Variants in COL4A1 observed in about 807,000 individuals in gnomAD.
The protein encoded by COL4A1 is collagen alpha-1(IV) chain.
In COL4A1, 40 loss-of-function variants were observed where a neutral mutation model predicts 216.6. The observed-to-expected ratio is 0.18, with a 90% CI of 0.14 to 0.24. The LOEUF is 0.24. COL4A1 is among the 10% of genes least tolerant of loss of function. The pLI is 1.00. For synonymous variants in COL4A1, 839 were observed against 810.7 expected (o/e 1.03, Z -0.59); for missense variants, 1,628 against 2,196.8 (o/e 0.74, Z 5.18).
chr13:110,234,787 G>A (rs962335799), intron 2 of COL4A1, among the ~76,000 whole-genome samples: 6 of 152,146 alleles, frequency 3.9e-5, no homozygotes, highest in Non-Finnish European at 7.4e-5. Context: ...TTTCCATCCC[G>A]GAGGAAACAT....
At position 110,186,522 on chromosome 13, in the gene COL4A1, G is replaced by T. The variant is rs764201237; in HGVS notation, c.1760C>A (p.Pro587His). The T allele has an allele frequency of 6.2e-7, 1 of 1,614,024 alleles. No individual in the cohort carries two copies. Among genetic ancestry groups the T allele is most frequent in the South Asian group, 1.1e-5 (1 of 91,076 alleles). Residue 587 changes from proline to histidine, a missense_variant, in exon 26 of 52, where the codon CCC becomes CAC. Transcript: ENST00000375820. ...GSVGLKGERGPPGGVGFPGSR... is the reference protein window; with the variant it reads ...GSVGLKGERGHPGGVGFPGSR... ...GCCTGGGAATCCAACTCCTCCAGGG[G>T]GGCCACGCTCTCCTTTCAATCCTAC...
chr13:110,249,431 G>A (rs1269283532), intron 1 of COL4A1, among the ~76,000 whole-genome samples: 1 of 152,096 alleles, frequency 6.6e-6, no homozygotes. Flanking sequence ...GAAACGATGG[G>A]GTATATTCAC....
At chr13:110,165,892 T>C (rs1303313833) in intron 45 of COL4A1, among the ~76,000 whole-genome samples, 8 of 152,102 alleles carry the variant, frequency 5.3e-5, no homozygotes, top group Non-Finnish European at 2.9e-5. Context: ...GCAAGATTGA[T>C]TTTCTTTCCT....
rs58108667 is a variant in COL4A1, at chr13:110,268,759, T to C, written c.85-26025A>G. Among the ~76,000 whole-genome samples the C allele has an allele frequency of 0.18, 27,990 of 152,064 alleles. 2,945 individuals carry two copies. The highest frequency in any genetic ancestry group is 0.3 in the African/African-American group (12,544 of 41,430). On this transcript the variant is annotated intron_variant, in intron 1 of 51. Coordinates refer to ENST00000375820, the MANE Select transcript of COL4A1 (RefSeq NM_001845.6). The surrounding 1 kb of genome is among the most constrained non-coding windows in gnomAD (Gnocchi z 4.1). ...ACTGGGACAAGGAAATCAGCTGACTTCCAGGACCACACGCCTGGCACGTGG... is the reference window on the plus strand; with the variant it reads ...ACTGGGACAAGGAAATCAGCTGACTCCCAGGACCACACGCCTGGCACGTGG...
At chr13:110,179,488 G>C in intron 29 of COL4A1, 67 bp from the exon 30 acceptor site, 1 of 1,608,784 alleles carries the variant, frequency 6.2e-7, no homozygotes, top group Non-Finnish European at 8.5e-7. Flanking sequence ...CAAACCAATA[G>C]CGTAAGTGAA....
chr13:110,172,002 G>C (rs566384197), intron 41 of COL4A1, among the ~76,000 whole-genome samples: 4 of 152,242 alleles, frequency 2.6e-5, no homozygotes, highest in African/African-American at 4.8e-5. Context: ...GGAGAACCAG[G>C]GGGTGGGAGA....
At chr13:110,232,378 G>T (rs971018550) in intron 2 of COL4A1, among the ~76,000 whole-genome samples, 2 of 152,156 alleles carry the variant, frequency 1.3e-5, no homozygotes, top group Non-Finnish European at 2.9e-5. Flanking sequence ...CCATTTTTGA[G>T]CGTGCAGTTC....
intron 1 of COL4A1, among the ~76,000 whole-genome samples, chr13:110,295,366 T>A (rs965182270): frequency 6.6e-5 from 10 of 151,734 alleles, no homozygotes; most frequent in Admixed American, 2.6e-4. Flanking sequence ...CAATTAAAGC[T>A]TTTGAATGTC....
intron 1 of COL4A1, among the ~76,000 whole-genome samples, chr13:110,293,090 T>C (rs774007531): frequency 6.6e-5 from 10 of 152,208 alleles, no homozygotes; most frequent in Non-Finnish European, 1.5e-4. Context: ...TGATAAATGC[T>C]GGATTCCATT....
intron 20 of COL4A1, among the ~76,000 whole-genome samples, 170 bp from the exon 21 acceptor site, chr13:110,198,801 T>G (rs1399492010): frequency 6.6e-6 from 1 of 152,242 alleles, no homozygotes; most frequent in Non-Finnish European, 1.5e-5. Context: ...TCTTGCCATT[T>G]CATGCTGACA....
Position 110,203,627 on chromosome 13 carries a change from T to C in COL4A1, c.958-20A>G. On this transcript the variant is annotated intron_variant, in intron 17 of 51. Coordinates refer to ENST00000375820, the MANE Select transcript of COL4A1 (RefSeq NM_001845.6). ...TTCTCCCTACAAAAGAAAAAATAACTTTCCTTGCATATTCTTACTATAAAG... is the reference window on the plus strand; with the variant it reads ...TTCTCCCTACAAAAGAAAAAATAACCTTCCTTGCATATTCTTACTATAAAG... 6.2e-7 allele frequency: 1 copy of C among 1,613,780 alleles called. No individual in the cohort carries two copies. Among genetic ancestry groups the C allele is most frequent in the Non-Finnish European group, 8.5e-7 (1 of 1,179,678 alleles).
Position 110,207,557 on chromosome 13 carries a change from G to T in COL4A1, c.694-68C>A. ...TTATGCAGACATGAAAAATTGCAGA[G>T]AGAGGTAAAAGCCTAAAATAAAACA... On this transcript the variant is annotated intron_variant, in intron 12 of 51. Coordinates refer to ENST00000375820, the MANE Select transcript of COL4A1 (RefSeq NM_001845.6). This position sits in a 1 kb window ranked among gnomAD's most constrained non-coding sequence, Gnocchi z 4.4. The T allele has an allele frequency of 1.5e-6, 2 of 1,315,300 alleles. No homozygotes were observed. 81.5% of individuals were successfully genotyped at this position (1,315,300 alleles called of 1,614,324 possible). A position where few individuals can be genotyped will look rare whatever the true frequency, so the allele number is the denominator to read the frequency against.
At chr13:110,224,175 T>C (rs985133045) in intron 2 of COL4A1, among the ~76,000 whole-genome samples, 2 of 151,918 alleles carry the variant, frequency 1.3e-5, no homozygotes, top group Non-Finnish European at 2.9e-5. Context: ...ACAACCGTCT[T>C]TTTTTTTGAA....
chr13:110,213,426 A>G (rs1348742756), intron 4 of COL4A1, among the ~76,000 whole-genome samples: 1 of 152,222 alleles, frequency 6.6e-6, no homozygotes, highest in Admixed American at 6.5e-5. Flanking sequence ...TGACTTTTCC[A>G]TTAAATGAAG....
chr13:110,209,312 G>A, intron 11 of COL4A1, 80 bp downstream of exon 11: 1 of 1,302,482 alleles, frequency 7.7e-7, no homozygotes, highest in Non-Finnish European at 1.1e-6. Context: ...GAGACTGAAA[G>A]AATAAGAAGA....
In COL4A1 at chr13:110,222,548, T is replaced by C. The variant is rs893966472; in HGVS notation, c.145-8533A>G. On this transcript the variant is annotated intron_variant, in intron 2 of 51. Coordinates refer to ENST00000375820, the MANE Select transcript of COL4A1 (RefSeq NM_001845.6). Reference sequence around the variant, plus strand: ...TAGCACTTTGGGAGGCCGAGGCGGGTGGATCACGAGGTCAGGAGATCGAGA... The same window carrying C: ...TAGCACTTTGGGAGGCCGAGGCGGGCGGATCACGAGGTCAGGAGATCGAGA... Among the ~76,000 whole-genome samples, 169 of 136,350 alleles carry C rather than the reference T, an allele frequency of 1.2e-3. 5 individuals are homozygous for C. The highest frequency in any genetic ancestry group is 9.8e-4 in the East Asian group (5 of 5,122). 89.5% of individuals were successfully genotyped at this position (136,350 alleles called of 152,430 possible).
chr13:110,161,253 C>T lies in COL4A1; in HGVS notation c.4579G>A (p.Glu1527Lys). ...GGTGCCATTGACATGGGCATGGGCT[C>T]AGGGGTGGACAGCCAGTACGAGTAG... Reference protein sequence around the residue: ...NDYSYWLSTPEPMPMSMAPIT... With the variant: ...NDYSYWLSTPKPMPMSMAPIT... The change falls in exon 49 of 52, where the codon GAG becomes AAG. Residue 1527 changes from glutamate to lysine, a missense_variant. By Grantham distance (56) the Glu-to-Lys change is moderately conservative (BLOSUM62 1). Around this residue, in one of 8 missense-constraint regions of COL4A1, gnomAD observed 254 missense variants for 300.1 expected, o/e 0.85. Transcript: ENST00000375820. 1 of 1,614,164 alleles carries T rather than the reference C, an allele frequency of 6.2e-7. No individual in the cohort carries two copies. Among genetic ancestry groups the T allele is most frequent in the Non-Finnish European group, 8.5e-7 (1 of 1,180,034 alleles).
chr13:110,224,186 G>A (rs1880633247), intron 2 of COL4A1, among the ~76,000 whole-genome samples: 1 of 151,780 alleles, frequency 6.6e-6, no homozygotes, highest in African/African-American at 2.4e-5. Flanking sequence ...TTTTTTTGAA[G>A]TTCCATGAAA....
chr13:110,272,582 G>C (rs991992255), intron 1 of COL4A1, among the ~76,000 whole-genome samples: 6 of 152,132 alleles, frequency 3.9e-5, no homozygotes, highest in East Asian at 1.9e-4. Context: ...AAAAGAAAAG[G>C]GGGGGAACTC....
Sources: gnomAD v4.1 joint callset for allele counts (sites outside exome capture counted in the v4.1 genomes callset) on GRCh38, gnomAD v4.1.1 for gene constraint, gnomAD v4.1.1 regional missense constraint, Gnocchi (gnomAD v3.1) non-coding constraint, MANE v1.5 for transcripts, NCBI Gene and HGNC (gene_info 2026-07-23, HGNC 2026-07-21) for gene names.